Variants in PADI2 observed in about 807,000 individuals in gnomAD.
The protein encoded by PADI2 is protein-arginine deiminase type-2.
In PADI2, 70 loss-of-function variants were observed where a neutral mutation model predicts 81.1. The ratio of observed to expected loss-of-function variants is 0.86; its 90% CI spans 0.71 to 1.05. The LOEUF (loss-of-function observed/expected upper bound fraction) is 1.05, where lower values mean the gene tolerates loss of function less well. Ranked by LOEUF, PADI2 falls within the 50% of genes least tolerant of loss-of-function variation. The probability of loss-of-function intolerance (pLI) is 0.00; values close to 1 mark genes in which losing one functional copy is unlikely to be tolerated. For synonymous variants in PADI2, 338 were observed against 358.0 expected (o/e 0.94, Z 0.63); for missense variants, 853 against 889.9 (o/e 0.96, Z 0.53).
chr1:17,118,207 G>C (rs1418378429), intron 1 of PADI2, among the ~76,000 whole-genome samples: 1 of 152,100 alleles, frequency 6.6e-6, no homozygotes, highest in Admixed American at 6.5e-5. Flanking sequence ...CATAAACCAC[G>C]ATGGTGCCTC....
chr1:17,073,339 C>A (rs1397409490), intron 13 of PADI2, among the ~76,000 whole-genome samples: 2 of 148,732 alleles, frequency 1.3e-5, no homozygotes, highest in Admixed American at 6.9e-5. Context: ...ATGGCTTGAA[C>A]CTGGGAGGCG....
rs112666845 is a variant in PADI2, at chr1:17,075,654, C to T, written c.1455+25G>A. ...TATTGGTTTGCTGCTACCCCATTCA[C>T]TCCAGCCTCGGGAGGCTAGCTTACC... On this transcript the variant is annotated intron_variant, in intron 12 of 15. Transcript: ENST00000375486. The T allele has an allele frequency of 8.7e-6, 14 of 1,603,050 alleles. No homozygotes were observed. In the African/African-American group the frequency reaches 1.2e-4, roughly 14 times the overall value.
At chr1:17,089,406 T>A (rs568597804) in intron 6 of PADI2, among the ~76,000 whole-genome samples, 42 of 152,168 alleles carry the variant, frequency 2.8e-4, no homozygotes, top group Non-Finnish European at 5.6e-4. Context: ...CAGGGGACAG[T>A]CAGGCTTAGA....
intron 11 of PADI2, among the ~76,000 whole-genome samples, chr1:17,076,080 C>T (rs2078300390): frequency 6.6e-6 from 1 of 152,226 alleles, no homozygotes; most frequent in Non-Finnish European, 1.5e-5. Flanking sequence ...TTGAGGGTGC[C>T]AGTGAGTGTG....
chr1:17,078,106 T>A (rs750465531), intron 11 of PADI2, among the ~76,000 whole-genome samples: 59 of 152,286 alleles, frequency 3.9e-4, no homozygotes, highest in Non-Finnish European at 6.3e-4. Flanking sequence ...TTTAATATTT[T>A]ATTTTATTTT....
intron 1 of PADI2, among the ~76,000 whole-genome samples, chr1:17,105,817 G>A (rs1426476267): frequency 6.6e-6 from 1 of 152,206 alleles, no homozygotes; most frequent in Admixed American, 6.5e-5. Context: ...GAGGACATCT[G>A]TTGAACATGA....
intron 5 of PADI2, 134 bp from the exon 6 acceptor site, chr1:17,092,667 G>A (rs1018400922): frequency 1.3e-6 from 1 of 783,052 alleles, no homozygotes; most frequent in Non-Finnish European, 1.9e-6. Context: ...AGCATAAAGA[G>A]GCTGGGTGCT....
chr1:17,089,662 T>G (rs1416179126), intron 6 of PADI2, among the ~76,000 whole-genome samples: 2 of 152,178 alleles, frequency 1.3e-5, no homozygotes, highest in East Asian at 1.9e-4. Flanking sequence ...CCGGGCGGAC[T>G]GATTTCTTGG....
At position 17,090,908 on chromosome 1, in the gene PADI2, C is replaced by A. The variant is rs1930668181; in HGVS notation, c.655+1500G>T. On this transcript the variant is annotated intron_variant, in intron 6 of 15. Transcript: ENST00000375486. ...GATAATGTCCAGACATCATTATTTG[C>A]AACAGGTCTCGTGTCACGACACCAA... Among the ~76,000 whole-genome samples the A allele has an allele frequency of 2.0e-5, 3 of 152,064 alleles. No individual in the cohort carries two copies. The South Asian group carries it at 6.2e-4, about 31-fold the overall frequency.
rs1931378149 is a variant in PADI2 at position 17,106,448 on chromosome 1, C to T, written c.93-1387G>A. Among the ~76,000 whole-genome samples, 4 of 141,192 alleles carry T rather than the reference C, an allele frequency of 2.8e-5. No individual in the cohort carries two copies. In the South Asian group the frequency reaches 6.8e-4, roughly 24 times the overall value. The allele number at this position is 141,192 out of a possible 152,430, so 92.6% of individuals were successfully genotyped here. On this transcript the variant is annotated intron_variant, in intron 1 of 15. Transcript: ENST00000375486. ...TAGGGGCAGGCTTCTTTTTCTTCTT[C>T]TTTTTTTTTTTTTTGAGATGGAGTC...
chr1:17,097,901 C>T (rs2746508), intron 3 of PADI2, among the ~76,000 whole-genome samples: 93,014 of 151,782 alleles, frequency 0.61, 28,856 homozygotes, highest in African/African-American at 0.68. Flanking sequence ...CGGAAGGAGC[C>T]GCAGGTCCAG....
At chr1:17,094,485 A>G (rs1930834624) in intron 4 of PADI2, among the ~76,000 whole-genome samples, 1 of 152,132 alleles carries the variant, frequency 6.6e-6, no homozygotes, top group East Asian at 1.9e-4. Flanking sequence ...TCTAGGACAG[A>G]GCAGCTTCCC....
Position 17,115,476 on chromosome 1 carries a change from G to A in PADI2, c.92+3804C>T, listed in dbSNP as rs1258245927. ...ACTGACAGAGGCATAAGCCGAGGGA[G>A]GAACAGAAGAAGCCATTCCCAAGGC... On this transcript the variant is annotated intron_variant, in intron 1 of 15. Transcript: ENST00000375486. This position sits in a 1 kb window ranked among gnomAD's most constrained non-coding sequence, Gnocchi z 4.1. Among the ~76,000 whole-genome samples the A allele has an allele frequency of 6.6e-6, 1 of 152,234 alleles. No individual in the cohort carries two copies. The highest frequency in any genetic ancestry group is 1.5e-5 in the Non-Finnish European group (1 of 68,044).
At chr1:17,089,407 C>T (rs1340374922) in intron 6 of PADI2, among the ~76,000 whole-genome samples, 1 of 152,220 alleles carries the variant, frequency 6.6e-6, no homozygotes, top group Admixed American at 6.5e-5. Context: ...AGGGGACAGT[C>T]AGGCTTAGAA....
chr1:17,093,330 A>G (rs570393081), intron 5 of PADI2, among the ~76,000 whole-genome samples: 1 of 152,232 alleles, frequency 6.6e-6, no homozygotes, highest in African/African-American at 2.4e-5. Flanking sequence ...TCCTCACCTC[A>G]TGATCTGCCT....
At chr1:17,069,358 C>T in intron 15 of PADI2, 81 bp from the exon 16 acceptor site, 1 of 1,046,830 alleles carries the variant, frequency 9.6e-7, no homozygotes, top group South Asian at 1.4e-5. Flanking sequence ...GCTCATGGAA[C>T]CCTCACGGCA....
chr1:17,093,785 C>T (rs1330895675), intron 4 of PADI2, 101 bp from the exon 5 acceptor site: 11 of 686,462 alleles, frequency 1.6e-5, no homozygotes, highest in South Asian at 1.4e-4. Flanking sequence ...AAAGAGTAGC[C>T]GCCACCCACT....
intron 10 of PADI2, among the ~76,000 whole-genome samples, chr1:17,080,353 C>T (rs1194045109): frequency 6.6e-6 from 1 of 152,150 alleles, no homozygotes; most frequent in Non-Finnish European, 1.5e-5. Flanking sequence ...GCCACAGGAG[C>T]CCCCACGTGT....
At chr1:17,083,476 C>A in intron 9 of PADI2, 2 of 466,600 alleles carry the variant, frequency 4.3e-6, no homozygotes, top group Non-Finnish European at 7.7e-6. Flanking sequence ...TTGCACAGAA[C>A]TTCCGGGAAG....
Sources: gnomAD v4.1 joint callset for allele counts (sites outside exome capture counted in the v4.1 genomes callset) on GRCh38, gnomAD v4.1.1 for gene constraint, Gnocchi (gnomAD v3.1) non-coding constraint, MANE v1.5 for transcripts, NCBI Gene and HGNC (gene_info 2026-07-23, HGNC 2026-07-21) for gene names.